The following SLC37A3 variants were observed in gnomAD, a reference collection of about 807,000 sequenced individuals.
The protein encoded by SLC37A3 is solute carrier family 37 member 3, also known as sugar phosphate exchanger 3.
Under a neutral mutation model 67.1 loss-of-function variants are expected in SLC37A3, and 51 were observed. The ratio of observed to expected loss-of-function variants is 0.76; its 90% CI spans 0.61 to 0.96. The LOEUF is 0.96. Ranked by LOEUF, SLC37A3 falls within the 40% of genes least tolerant of loss-of-function variation. The pLI, the probability that SLC37A3 is intolerant of heterozygous loss-of-function variation, is 0.00. For missense variants in SLC37A3, 508 were observed against 603.0 expected (o/e 0.84, Z 1.65); for synonymous variants, 214 against 231.4 (o/e 0.92, Z 0.68).
At chr7:140,387,962 C>T (rs1798571920) in intron 1 of SLC37A3, among the ~76,000 whole-genome samples, 2 of 140,282 alleles carry the variant, frequency 1.4e-5, no homozygotes, top group Admixed American at 1.7e-4. Context: ...CCACTGCACT[C>T]CAGCCTGGGT....
chr7:140,337,627 C>T (rs924476221), intron 13 of SLC37A3: 13 of 256,314 alleles, frequency 5.1e-5, no homozygotes, highest in Non-Finnish European at 8.8e-5. Context: ...GATGAACATC[C>T]GCAAGCCACT....
intron 5 of SLC37A3, among the ~76,000 whole-genome samples, chr7:140,361,530 C>CCTCCCTCT (rs1797287329): frequency 9.5e-6 from 1 of 105,600 alleles, no homozygotes; most frequent in African/African-American, 3.9e-5. Flanking sequence ...TCCCCCTCCC[C>CCTCCCTCT]CTCCCTCTCT....
chr7:140,336,066 G>C (rs954071341), intron 14 of SLC37A3, among the ~76,000 whole-genome samples: 10 of 152,238 alleles, frequency 6.6e-5, no homozygotes, highest in Non-Finnish European at 4.4e-5. Context: ...TGGATTTGGG[G>C]ACAGGATACT....
chr7:140,369,810 A>G, intron 3 of SLC37A3, 128 bp from the exon 4 acceptor site: 1 of 705,450 alleles, frequency 1.4e-6, no homozygotes, highest in South Asian at 1.8e-5. Context: ...CTTCAAATGT[A>G]TTTAGAAATA....
chr7:140,362,435 C>A (rs1797365495), intron 5 of SLC37A3, among the ~76,000 whole-genome samples: 2 of 145,064 alleles, frequency 1.4e-5, no homozygotes, highest in Admixed American at 1.4e-4. Flanking sequence ...GGGGGTCAGC[C>A]CCCCGCCCGG....
At chr7:140,391,619 T>G (rs1798728536) in intron 1 of SLC37A3, among the ~76,000 whole-genome samples, 1 of 152,164 alleles carries the variant, frequency 6.6e-6, no homozygotes, top group South Asian at 2.1e-4. Flanking sequence ...ATCCCTCCCC[T>G]GTGGAGTTCT....
At chr7:140,351,639 T>C (rs1563016929) in intron 8 of SLC37A3, 188 bp from the exon 9 acceptor site, 4 of 599,694 alleles carry the variant, frequency 6.7e-6, no homozygotes, top group Admixed American at 6.6e-5. Flanking sequence ...ACTCAAAAGA[T>C]AGAAGAATTG....
In SLC37A3 at chr7:140,364,461, G is replaced by T; in HGVS notation, c.322C>A (p.Arg108=). ...GLFISGIVGD[R]LNLRWVLSFG... The stretch of plus-strand genomic sequence containing the variant: ...GACAGAACCCATCGCAAATTCAACC[G>T]ATCCCCAACGATGCCACTGATGAAT... Residue 108 remains arginine (R), a synonymous_variant, in exon 5 of 15, where the codon CGG becomes AGG. Transcript: ENST00000326232. 1.9e-6 allele frequency: 3 copies of T among 1,613,824 alleles called. No individual in the cohort carries two copies. Among genetic ancestry groups the T allele is most frequent in the Non-Finnish European group, 2.5e-6 (3 of 1,179,952 alleles).
chr7:140,347,255 AAAAAAAAG>A (rs1796601652), intron 10 of SLC37A3, among the ~76,000 whole-genome samples: 2 of 151,812 alleles, frequency 1.3e-5, no homozygotes, highest in African/African-American at 4.9e-5. Context: ...TCCAAAAAAA[AAAAAAAAG>A]AAAAAAAAAA....
At chr7:140,362,520 C>T (rs1440339319) in intron 5 of SLC37A3, among the ~76,000 whole-genome samples, 3 of 142,440 alleles carry the variant, frequency 2.1e-5, no homozygotes, top group South Asian at 2.3e-4. Context: ...CCCCTCTGCC[C>T]GGCCAGCCGC....
chr7:140,362,529 G>A (rs1343447387), intron 5 of SLC37A3, among the ~76,000 whole-genome samples: 10 of 131,092 alleles, frequency 7.6e-5, no homozygotes, highest in East Asian at 5.1e-4. Context: ...CCGGCCAGCC[G>A]CCCCGTCCGG....
chr7:140,358,373 G>A (rs1258639968), intron 6 of SLC37A3, among the ~76,000 whole-genome samples: 2 of 152,112 alleles, frequency 1.3e-5, no homozygotes, highest in African/African-American at 4.8e-5. Flanking sequence ...ATAAAAAATT[G>A]AGACCTCCTG....
chr7:140,334,344 G>A lies in SLC37A3; in HGVS notation c.*1068C>T, dbSNP rs2116984896. On this transcript the variant is annotated 3_prime_UTR_variant, in exon 15 of 15. Transcript: ENST00000326232. The stretch of plus-strand genomic sequence containing the variant: ...AGGCTAAGCTGTGGTGTCCAGTCAG[G>A]GGTATTAAATGCATTTGACTTCCAA... 1 of 152,204 alleles carries A rather than the reference G, an allele frequency of 6.6e-6. No homozygotes were observed. The highest frequency in any genetic ancestry group is 1.9e-4 in the East Asian group (1 of 5,180). 9.4% of individuals were successfully genotyped at this position (152,204 alleles called of 1,614,324 possible).
intron 1 of SLC37A3, among the ~76,000 whole-genome samples, chr7:140,397,747 A>G (rs1051493905): frequency 1.3e-5 from 2 of 152,266 alleles, no homozygotes; most frequent in Middle Eastern, 3.4e-3. Context: ...ACTCCTCCCT[A>G]TAAACTATAA....
In SLC37A3 at chr7:140,361,526, TCCCC is replaced by T. The variant is rs1563027339; in HGVS notation, c.376-2745_376-2742del. Among the ~76,000 whole-genome samples the T allele has an allele frequency of 3.2e-3, 98 of 30,242 alleles. 3 individuals are homozygous for T. Among genetic ancestry groups the T allele is most frequent in the South Asian group, 9.9e-3 (7 of 704 alleles). 19.8% of individuals were successfully genotyped at this position (30,242 alleles called of 152,430 possible). Reference sequence around the variant, plus strand: ...CTCCCCCTCCCCCTCCCCCTCCCCCTCCCCCTCCCTCTCTCCCTCTCCGTCTCCC... The same window carrying T: ...CTCCCCCTCCCCCTCCCCCTCCCCCTCTCCCTCTCTCCCTCTCCGTCTCCC... On this transcript the variant is annotated intron_variant, in intron 5 of 14. Transcript: ENST00000326232.
At chr7:140,387,995 A>G (rs1798573312) in intron 1 of SLC37A3, among the ~76,000 whole-genome samples, 2 of 142,722 alleles carry the variant, frequency 1.4e-5, no homozygotes, top group Non-Finnish European at 3.0e-5. Context: ...GCCTGTCTCA[A>G]AAAAGCAAAA....
At chr7:140,341,447 A>G (rs1796358797) in intron 13 of SLC37A3, among the ~76,000 whole-genome samples, 1 of 152,124 alleles carries the variant, frequency 6.6e-6, no homozygotes, top group Non-Finnish European at 1.5e-5. Flanking sequence ...TGGCAACCTG[A>G]AGAAGAAACA....
At chr7:140,373,413 C>T (rs771029455) in intron 3 of SLC37A3, among the ~76,000 whole-genome samples, 21 of 152,138 alleles carry the variant, frequency 1.4e-4, no homozygotes, top group Middle Eastern at 3.2e-3. Context: ...ATGAATGAAA[C>T]GAGCCTGTCA....
intron 6 of SLC37A3, among the ~76,000 whole-genome samples, chr7:140,357,802 A>G (rs1204450591): frequency 6.6e-6 from 1 of 151,992 alleles, no homozygotes; most frequent in African/African-American, 2.4e-5. Context: ...CTGTAATCCC[A>G]GCTACTCAGG....
Sources: gnomAD v4.1 joint callset for allele counts (sites outside exome capture counted in the v4.1 genomes callset) on GRCh38, gnomAD v4.1.1 for gene constraint, MANE v1.5 for transcripts, NCBI Gene and HGNC (gene_info 2026-07-23, HGNC 2026-07-21) for gene names.